BUB1B: variants seen among roughly 807,000 people sequenced by gnomAD.
The protein encoded by BUB1B is mitotic checkpoint serine/threonine-protein kinase BUB1 beta.
In BUB1B, 86 loss-of-function variants were observed where a neutral mutation model predicts 137.7. The ratio of observed to expected loss-of-function variants is 0.62; its 90% CI spans 0.52 to 0.75. The LOEUF (loss-of-function observed/expected upper bound fraction) is 0.75. Among genes scored for constraint, BUB1B ranks in the 30% least tolerant of loss-of-function variants. The pLI is 0.00. For missense variants in BUB1B, 1,130 were observed against 1,236.9 expected (o/e 0.91, Z 1.30); for synonymous variants, 420 against 417.9 (o/e 1.00, Z -0.06).
At chr15:40,180,346 C>T (rs1002785360) in intron 5 of BUB1B, among the ~76,000 whole-genome samples, 4 of 149,846 alleles carry the variant, frequency 2.7e-5, no homozygotes, top group Non-Finnish European at 4.4e-5. Flanking sequence ...CAACCCCCAC[C>T]TCCCAGGCTC....
Position 40,217,673 on chromosome 15 carries a change from T to G in BUB1B, c.2850+6T>G. On this transcript the variant is annotated splice_donor_region_variant and intron_variant, in intron 21 of 22. Transcript: ENST00000287598. ...ACTGTTCTTCTCCCTACCAGGTAAG[T>G]GTAAAACAAGCCTGAGCAAATATGG... is the stretch of plus-strand genomic sequence containing the variant. 6.2e-7 allele frequency: 1 copy of G among 1,614,178 alleles called. No homozygotes were observed. The highest frequency in any genetic ancestry group is 8.5e-7 in the Non-Finnish European group (1 of 1,180,014).
intron 21 of BUB1B, among the ~76,000 whole-genome samples, chr15:40,217,933 G>A (rs770474282): frequency 3.3e-5 from 5 of 152,300 alleles, no homozygotes; most frequent in Middle Eastern, 3.4e-3. Context: ...TCTTTTATAA[G>A]TCATTTTCTG....
chr15:40,168,882 G>A (rs899783792), intron 2 of BUB1B, among the ~76,000 whole-genome samples: 24 of 152,014 alleles, frequency 1.6e-4, no homozygotes, highest in Admixed American at 8.5e-4. Context: ...GGTTCTTTCA[G>A]AGTCTCACCT....
At chr15:40,164,384 C>T (rs1328832636) in intron 1 of BUB1B, among the ~76,000 whole-genome samples, 4 of 152,056 alleles carry the variant, frequency 2.6e-5, no homozygotes, top group African/African-American at 7.2e-5. Context: ...TGTACCACCA[C>T]GCCTGGCTAA....
intron 8 of BUB1B, among the ~76,000 whole-genome samples, chr15:40,189,022 A>G (rs1385140143): frequency 6.6e-6 from 1 of 152,062 alleles, no homozygotes; most frequent in African/African-American, 2.4e-5. Flanking sequence ...CCTTGTACCC[A>G]TACCTGTAAG....
chr15:40,203,273 G>A (rs1343832887), intron 14 of BUB1B, among the ~76,000 whole-genome samples: 1 of 152,150 alleles, frequency 6.6e-6, no homozygotes, highest in Non-Finnish European at 1.5e-5. Flanking sequence ...CCTTGAAAAC[G>A]TTATGTCAAG....
intron 8 of BUB1B, among the ~76,000 whole-genome samples, chr15:40,188,366 C>A (rs1012117878): frequency 2.0e-5 from 3 of 151,552 alleles, no homozygotes; most frequent in African/African-American, 7.3e-5. Context: ...ATTTTAAATT[C>A]TTTTCCATGG....
rs767233349 is a variant in BUB1B, at chr15:40,209,703, A to G, written c.2212A>G (p.Ser738Gly). 6.2e-7 allele frequency: 1 copy of G among 1,614,136 alleles called. No homozygotes were observed. Among genetic ancestry groups the G allele is most frequent in the Non-Finnish European group, 8.5e-7 (1 of 1,179,988 alleles). Residue 738 changes from serine to glycine, a missense_variant, in exon 17 of 23, where the codon AGT becomes GGT. Physicochemically the swap from Ser to Gly is moderately conservative, Grantham distance 56. Coordinates refer to ENST00000287598, the MANE Select transcript of BUB1B (RefSeq NM_001211.6). The part of the protein sequence containing the change: ...RQLLKSLPEL[S>G]ASAELCIEDR... The stretch of plus-strand genomic sequence containing the variant: ...GCTACTGAAGTCCCTACCAGAGTTA[A>G]GTGCCTCTGCAGAGTTGTGTATAGA...
rs568845862 is a variant in BUB1B at position 40,197,971 on chromosome 15, G to A, written c.1288+1197G>A. ...ATCTAGATAAAAACTGTTTCCTAAG[G>A]GAAAAGCTTAGTCTGTACCAGATAT... On this transcript the variant is annotated intron_variant, in intron 9 of 22. Coordinates refer to ENST00000287598, the MANE Select transcript of BUB1B (RefSeq NM_001211.6). 6.6e-5 allele frequency among the ~76,000 whole-genome samples: 10 copies of A among 152,188 alleles called. No individual in the cohort carries two copies. The South Asian group carries it at 2.1e-3, about 32-fold the overall frequency.
chr15:40,220,369 T>A (rs922328366), intron 22 of BUB1B, among the ~76,000 whole-genome samples, 195 bp from the exon 23 acceptor site: 17 of 152,222 alleles, frequency 1.1e-4, no homozygotes, highest in Non-Finnish European at 1.8e-4. Flanking sequence ...GTATCTTGGC[T>A]TTTCCCACTA....
At chr15:40,200,454 C>T (rs909231596) in intron 11 of BUB1B, 95 bp downstream of exon 11, 4 of 871,122 alleles carry the variant, frequency 4.6e-6, no homozygotes, top group Non-Finnish European at 7.5e-6. Flanking sequence ...TTGACGTTTA[C>T]AGTATCGAGA....
intron 8 of BUB1B, among the ~76,000 whole-genome samples, chr15:40,192,663 C>T (rs1417295700): frequency 6.6e-6 from 1 of 152,184 alleles, no homozygotes; most frequent in African/African-American, 2.4e-5. Flanking sequence ...GTAGCCTTTT[C>T]AATCTGGCTC....
At chr15:40,196,413 T>G in intron 8 of BUB1B, 132 bp from the exon 9 acceptor site, 1 of 788,698 alleles carries the variant, frequency 1.3e-6, no homozygotes, top group Non-Finnish European at 2.1e-6. Flanking sequence ...TGAAGTCAGG[T>G]AATGTAAGGC....
At chr15:40,201,920 T>C (rs1021774264) in intron 12 of BUB1B, among the ~76,000 whole-genome samples, 1 of 152,124 alleles carries the variant, frequency 6.6e-6, no homozygotes, top group Non-Finnish European at 1.5e-5. Context: ...CCGCCCACCA[T>C]GGCCTCCCAA....
At chr15:40,161,289 C>T in intron 1 of BUB1B, 34 bp downstream of exon 1, 2 of 1,605,202 alleles carry the variant, frequency 1.2e-6, no homozygotes, top group South Asian at 1.1e-5. Context: ...GGGGCTGGGC[C>T]TGAGAGGACA....
intron 21 of BUB1B, among the ~76,000 whole-genome samples, 160 bp downstream of exon 21, chr15:40,217,827 T>G (rs1172005047): frequency 6.6e-6 from 1 of 152,208 alleles, no homozygotes; most frequent in East Asian, 1.9e-4. Flanking sequence ...CATTTTTGTG[T>G]TACAGCATTG....
At position 40,200,348 on chromosome 15, in the gene BUB1B, CTG is replaced by C; in HGVS notation, c.1508_1509del (p.Cys503LeufsTer19). 1 of 1,613,366 alleles carries C rather than the reference CTG, an allele frequency of 6.2e-7. No individual in the cohort carries two copies. Among genetic ancestry groups the C allele is most frequent in the Non-Finnish European group, 8.5e-7 (1 of 1,179,436 alleles). On this transcript the variant is annotated frameshift_variant, in exon 11 of 23. Transcript: ENST00000287598. LOFTEE classifies it high-confidence loss of function. ...TATCCAGTTCTGTTTGTCAAGTAAA[CTG>C]TTGTGCCAGGTAAGACTACATAGGT... ...TLSSSVCQVN[C>X]CARETSLAEN...
chr15:40,190,591 G>A (rs967744511), intron 8 of BUB1B, among the ~76,000 whole-genome samples: 2 of 152,080 alleles, frequency 1.3e-5, no homozygotes, highest in Admixed American at 6.6e-5. Flanking sequence ...TCCACCCTAG[G>A]CAACAGATTC....
intron 15 of BUB1B, among the ~76,000 whole-genome samples, chr15:40,207,886 A>G (rs926887013): frequency 1.3e-5 from 2 of 151,590 alleles, no homozygotes; most frequent in Non-Finnish European, 2.9e-5. Context: ...AAAATAAAAA[A>G]AAAAAATAGC....
Sources: allele counts gnomAD v4.1 joint callset (sites outside exome capture counted in the v4.1 genomes callset), GRCh38; gene constraint gnomAD v4.1.1; transcripts MANE v1.5; gene names NCBI Gene and HGNC (gene_info 2026-07-23, HGNC 2026-07-21).